TRPV3: variants seen among roughly 807,000 people sequenced by gnomAD.
TRPV3 encodes the protein VRL-3.
A neutral mutation model predicts 87.1 loss-of-function variants in TRPV3; 88 were observed. That is an observed-to-expected ratio of 1.01 (90% CI 0.85 to 1.21). TRPV3 has a LOEUF of 1.21. Among genes scored for constraint, TRPV3 ranks in the 50% most tolerant of loss-of-function variants. The probability of loss-of-function intolerance (pLI) is 0.00; values close to 1 mark genes in which losing one functional copy is unlikely to be tolerated. For synonymous variants in TRPV3, 438 were observed against 423.3 expected, an observed-to-expected ratio of 1.03 and a Z score of -0.43; for missense variants, 1,054 against 1,030.1, an observed-to-expected ratio of 1.02 and a Z score of -0.32.
intron 14 of TRPV3, among the ~76,000 whole-genome samples, chr17:3,520,751 T>A (rs1415672549): frequency 6.6e-6 from 1 of 152,136 alleles, no homozygotes; most frequent in Non-Finnish European, 1.5e-5. Context: ...TGTATACATA[T>A]GTAACAAACC....
chr17:3,553,470 G>T, intron 2 of TRPV3: 1 of 152,926 alleles, frequency 6.5e-6, no homozygotes, highest in Non-Finnish European at 1.5e-5. Flanking sequence ...CCTCCCCAAA[G>T]ACTCCTCTAC....
chr17:3,514,780 T>A (rs2074161483), intron 16 of TRPV3, 108 bp from the exon 17 acceptor site: 1 of 847,854 alleles, frequency 1.2e-6, no homozygotes, highest in Admixed American at 2.0e-5. Context: ...CCCTTCTGTC[T>A]GTCCTAGAGA....
rs1018736551 is a variant in TRPV3 at position 3,530,739 on chromosome 17, A to T, written c.1066-536T>A. Among the ~76,000 whole-genome samples the T allele has an allele frequency of 1.3e-5, 2 of 152,156 alleles. No homozygotes were observed. The highest frequency in any genetic ancestry group is 4.8e-5 in the African/African-American group (2 of 41,434). The stretch of plus-strand genomic sequence containing the variant: ...TGATCCTCAAACTCTGCTGCATGTT[A>T]GGGCTGCTGGGAAACTTAGAAATTC... On this transcript the variant is annotated intron_variant, in intron 8 of 17. Coordinates refer to ENST00000576742, the MANE Select transcript of TRPV3 (RefSeq NM_145068.4). The surrounding 1 kb of genome is among the most constrained non-coding windows in gnomAD (Gnocchi z 4.0).
chr17:3,548,988 C>A (rs2074548930), intron 2 of TRPV3, among the ~76,000 whole-genome samples: 1 of 152,154 alleles, frequency 6.6e-6, no homozygotes, highest in Admixed American at 6.6e-5. Flanking sequence ...AGTCTGATTG[C>A]CACTTCCCTG....
intron 13 of TRPV3, among the ~76,000 whole-genome samples, chr17:3,522,576 T>C (rs1158187807): frequency 2.8e-5 from 4 of 140,504 alleles, no homozygotes; most frequent in Admixed American, 2.8e-4. Flanking sequence ...CCCCAGCACT[T>C]TGGGAGGCCG....
intron 6 of TRPV3, among the ~76,000 whole-genome samples, chr17:3,540,206 A>T (rs944677206): frequency 1.3e-5 from 2 of 152,192 alleles, no homozygotes; most frequent in Non-Finnish European, 2.9e-5. Flanking sequence ...AGAGTGGACA[A>T]TCAGAGTGGT....
intron 7 of TRPV3, among the ~76,000 whole-genome samples, chr17:3,533,826 T>A (rs2074373719): frequency 6.6e-6 from 1 of 152,160 alleles, no homozygotes; most frequent in African/African-American, 2.4e-5. Context: ...GCACTTATCA[T>A]TTCATATCAT....
In TRPV3 at chr17:3,532,498, C is replaced by T. The variant is rs150198226; in HGVS notation, c.1065+159G>A. On this transcript the variant is annotated intron_variant, in intron 8 of 17. Transcript: ENST00000576742. ...TGGCCCCTCAGAACAAACCTGCCTC[C>T]GGCCGCCACGCCACTGCAGTTCTGG... 4.1e-3 allele frequency among the ~76,000 whole-genome samples: 628 copies of T among 152,356 alleles called. 1 individual carries two copies. The highest frequency in any genetic ancestry group is 0.02 in the Middle Eastern group (6 of 294).
At chr17:3,515,872 C>T (rs2074178225) in intron 16 of TRPV3, among the ~76,000 whole-genome samples, 1 of 151,866 alleles carries the variant, frequency 6.6e-6, no homozygotes, top group African/African-American at 2.4e-5. Flanking sequence ...CACAGAGAGA[C>T]CATGGAGGCA....
At chr17:3,515,548 C>T (rs2074173673) in intron 16 of TRPV3, among the ~76,000 whole-genome samples, 1 of 152,122 alleles carries the variant, frequency 6.6e-6, no homozygotes, top group Non-Finnish European at 1.5e-5. Flanking sequence ...GCAGTCCCAG[C>T]TACCGGGGAG....
In TRPV3 at chr17:3,535,706, C is replaced by A; in HGVS notation, c.651G>T (p.Thr217=). ...GCCGCTCGATGGCGATGTTCAGCGC[C>A]GTCTGCCCTGCGGAGCGGGCGGGGA... is the stretch of plus-strand genomic sequence containing the variant. ...EYTEEAYEGQ[T]ALNIAIERRQ... is the part of the protein sequence containing the mutation. Residue 217 remains threonine, a synonymous_variant, in exon 7 of 18, where the codon ACG becomes ACT. Coordinates refer to ENST00000576742, the MANE Select transcript of TRPV3 (RefSeq NM_145068.4). The A allele has an allele frequency of 1.3e-6, 2 of 1,542,566 alleles. No homozygotes were observed. The highest frequency in any genetic ancestry group is 2.5e-5 in the East Asian group (1 of 40,008).
In TRPV3 at chr17:3,518,502, G is replaced by T; in HGVS notation, c.2085+74C>A. On this transcript the variant is annotated intron_variant, in intron 15 of 17. Transcript: ENST00000576742. The surrounding 1 kb of genome is among the most constrained non-coding windows in gnomAD (Gnocchi z 4.3). ...GCCCCACCTCAGACCCACTGGTGCTGACAGTAGTCAATGACCACGTGCTGA... is the reference window on the plus strand; with the variant it reads ...GCCCCACCTCAGACCCACTGGTGCTTACAGTAGTCAATGACCACGTGCTGA... The T allele has an allele frequency of 6.8e-7, 1 of 1,474,980 alleles. No homozygotes were observed. The highest frequency in any genetic ancestry group is 9.0e-7 in the Non-Finnish European group (1 of 1,105,110). The allele number at this position is 1,474,980 out of a possible 1,614,324, so 91.4% of individuals were successfully genotyped here. A position where few individuals can be genotyped will look rare whatever the true frequency, so the allele number is the denominator to read the frequency against.
In TRPV3 at chr17:3,535,651, C is replaced by A; in HGVS notation, c.706G>T (p.Ala236Ser). ...RQGDIAALLIAAGADVNAHAK... is the reference protein window; with the variant it reads ...RQGDIAALLISAGADVNAHAK... ...TGCGCGTTGACGTCGGCGCCGGCGG[C>A]GATGAGCAGGGCTGCGATGTCCCCC... The change falls in exon 7 of 18, where the codon GCC (alanine) becomes TCC (serine). Residue 236 changes from alanine to serine, a missense_variant. Ala to Ser is a moderately conservative substitution (Grantham distance 99). Transcript: ENST00000576742. 6.2e-7 allele frequency: 1 copy of A among 1,607,262 alleles called. No individual in the cohort carries two copies. Among genetic ancestry groups the A allele is most frequent in the Non-Finnish European group, 8.5e-7 (1 of 1,177,854 alleles).
At chr17:3,533,580 C>T (rs1003288160) in intron 7 of TRPV3, among the ~76,000 whole-genome samples, 5 of 150,584 alleles carry the variant, frequency 3.3e-5, no homozygotes, top group African/African-American at 9.7e-5. Context: ...CTCACTGCAA[C>T]CTCTGCCTCC....
In TRPV3 at chr17:3,528,502, G is replaced by A. The variant is rs1269669743; in HGVS notation, c.1401+335C>T. Among the ~76,000 whole-genome samples, 1 of 152,212 alleles carries A rather than the reference G, an allele frequency of 6.6e-6. No individual in the cohort carries two copies. The highest frequency in any genetic ancestry group is 1.5e-5 in the Non-Finnish European group (1 of 68,044). ...GAAACCGAAGCCCAGCAGGCAGGGA[G>A]AGCTTATCCTCCTCCCGTTTCCTGC... is the stretch of plus-strand genomic sequence containing the variant. On this transcript the variant is annotated intron_variant, in intron 10 of 17. Transcript: ENST00000576742. The surrounding 1 kb of genome is among the most constrained non-coding windows in gnomAD (Gnocchi z 4.2).
chr17:3,532,960 C>G lies in TRPV3; in HGVS notation c.785-23G>C, dbSNP rs1465715163. 7 of 1,610,230 alleles carry G rather than the reference C, an allele frequency of 4.3e-6. No individual in the cohort carries two copies. In the African/African-American group the frequency reaches 8.0e-5, roughly 18 times the overall value. On this transcript the variant is annotated intron_variant, in intron 7 of 17. Coordinates refer to ENST00000576742, the MANE Select transcript of TRPV3 (RefSeq NM_145068.4). Reference sequence around the variant, plus strand: ...CACCTGGGGGATGAGCGCACTGAAGCTTGGTTCTCTCATGGGCCGGAAGCA... The same window carrying G: ...CACCTGGGGGATGAGCGCACTGAAGGTTGGTTCTCTCATGGGCCGGAAGCA...
At position 3,521,042 on chromosome 17, in the gene TRPV3, A is replaced by G; in HGVS notation, c.1744-3T>C. 2 of 1,600,652 alleles carry G rather than the reference A, an allele frequency of 1.2e-6. No homozygotes were observed. Among genetic ancestry groups the G allele is most frequent in the Non-Finnish European group, 1.7e-6 (2 of 1,170,000 alleles). On this transcript the variant is annotated splice_region_variant and splice_polypyrimidine_tract_variant and intron_variant, in intron 13 of 17. Transcript: ENST00000576742. ...TTCAGAACATCATGCAAAATGACCT[A>G]TAAGGAAATAAACATAATTCAAGTG...
intron 2 of TRPV3, chr17:3,546,830 T>C: frequency 2.8e-6 from 1 of 357,134 alleles, no homozygotes; most frequent in South Asian, 2.1e-5. Context: ...TAGCTGGGTG[T>C]GGTGGTATGC....
rs768169356 is a variant in TRPV3, at chr17:3,542,602, C to G, written c.563G>C (p.Arg188Pro). 9.9e-6 allele frequency: 16 copies of G among 1,613,902 alleles called. No homozygotes were observed. The highest frequency in any genetic ancestry group is 1.4e-5 in the Non-Finnish European group (16 of 1,179,946). Residue 188 changes from arginine to proline, a missense_variant, in exon 6 of 18, where the codon CGG (arginine) becomes CCG (proline). By Grantham distance (103) the Arg-to-Pro change is moderately radical. Transcript: ENST00000576742. Reference sequence around the variant, plus strand: ...CTCTTCAGCAAAGGCAAGCAGGATCCGCACTATCTCCTTGGTGTTGGGGTT... The same window carrying G: ...CTCTTCAGCAAAGGCAAGCAGGATCGGCACTATCTCCTTGGTGTTGGGGTT... ...NINPNTKEIV[R>P]ILLAFAEEND...
Sources: gnomAD v4.1 joint callset for allele counts (sites outside exome capture counted in the v4.1 genomes callset) on GRCh38, gnomAD v4.1.1 for gene constraint, Gnocchi (gnomAD v3.1) non-coding constraint, MANE v1.5 for transcripts, NCBI Gene and HGNC (gene_info 2026-07-23, HGNC 2026-07-21) for gene names.